Variants in CPQ observed in about 807,000 individuals in gnomAD.
CPQ encodes carboxypeptidase Q, also known as Ser-Met dipeptidase.
Under a neutral mutation model 45.7 loss-of-function variants are expected in CPQ, and 37 were observed. The observed-to-expected ratio is 0.81, with a 90% CI of 0.62 to 1.07. CPQ has a LOEUF of 1.07. Among genes scored for constraint, CPQ ranks in the 50% least tolerant of loss-of-function variants. CPQ has a pLI of 0.00. For missense variants in CPQ, 537 were observed against 572.9 expected, an observed-to-expected ratio of 0.94 and a Z score of 0.64; for synonymous variants, 186 against 205.8, an observed-to-expected ratio of 0.90 and a Z score of 0.82.
intron 1 of CPQ, among the ~76,000 whole-genome samples, chr8:96,703,024 A>G (rs942904754): frequency 6.6e-6 from 1 of 152,206 alleles, no homozygotes; most frequent in Non-Finnish European, 1.5e-5. Flanking sequence ...AATGTTAATG[A>G]ATCAATAGAT....
intron 5 of CPQ, among the ~76,000 whole-genome samples, chr8:97,002,626 A>T (rs998438761): frequency 2.0e-5 from 3 of 152,036 alleles, no homozygotes; most frequent in Non-Finnish European, 4.4e-5. Context: ...GGTCCAAGAG[A>T]CTGTTAATAT....
At chr8:96,853,431 G>C (rs1303312348) in intron 3 of CPQ, among the ~76,000 whole-genome samples, 1 of 152,126 alleles carries the variant, frequency 6.6e-6, no homozygotes, top group African/African-American at 2.4e-5. Context: ...GTTTGCTTTT[G>C]TTTGCAGTCA....
intron 5 of CPQ, among the ~76,000 whole-genome samples, chr8:96,969,775 G>A (rs1238086726): frequency 6.6e-6 from 1 of 152,096 alleles, no homozygotes; most frequent in Non-Finnish European, 1.5e-5. Flanking sequence ...TGTGTAATAA[G>A]TATGTGTTAC....
At chr8:97,021,560 C>A (rs1054404661) in intron 5 of CPQ, among the ~76,000 whole-genome samples, 1 of 152,040 alleles carries the variant, frequency 6.6e-6, no homozygotes, top group Non-Finnish European at 1.5e-5. Flanking sequence ...TTCTATATAC[C>A]AATAGTGACC....
At chr8:96,668,871 C>CA (rs113480247) in intron 1 of CPQ, among the ~76,000 whole-genome samples, 4,224 of 129,440 alleles carry the variant, frequency 0.033, 208 homozygotes, top group African/African-American at 0.11. Flanking sequence ...ATGGTGCAGA[C>CA]AAAAAAAAAA....
At chr8:96,960,143 T>C (rs928025055) in intron 4 of CPQ, among the ~76,000 whole-genome samples, 1 of 152,142 alleles carries the variant, frequency 6.6e-6, no homozygotes, top group Non-Finnish European at 1.5e-5. Flanking sequence ...CTTAGTATAT[T>C]GGATGTATTA....
intron 3 of CPQ, among the ~76,000 whole-genome samples, chr8:96,837,347 G>C (rs1196570202): frequency 6.6e-6 from 1 of 152,166 alleles, no homozygotes; most frequent in Non-Finnish European, 1.5e-5. Context: ...AACAGGACTT[G>C]TTAAGGTCGC....
intron 2 of CPQ, among the ~76,000 whole-genome samples, chr8:96,797,467 A>G (rs938212398): frequency 6.6e-6 from 1 of 152,220 alleles, no homozygotes; most frequent in African/African-American, 2.4e-5. Context: ...AACACTACCA[A>G]TAGCATTGTG....
chr8:96,670,330 T>A (rs1320601399), intron 1 of CPQ, among the ~76,000 whole-genome samples: 2 of 151,156 alleles, frequency 1.3e-5, no homozygotes, highest in Admixed American at 1.3e-4. Context: ...TTTTTTTTTT[T>A]TTTTTTTGGC....
intron 1 of CPQ, among the ~76,000 whole-genome samples, chr8:96,690,573 G>C (rs1809292486): frequency 6.6e-6 from 1 of 152,132 alleles, no homozygotes; most frequent in Admixed American, 6.5e-5. Context: ...GGGATTGTTA[G>C]TTTTTCTGTT....
At chr8:96,777,267 A>G (rs1438598907) in intron 1 of CPQ, among the ~76,000 whole-genome samples, 1 of 152,162 alleles carries the variant, frequency 6.6e-6, no homozygotes, top group African/African-American at 2.4e-5. Flanking sequence ...GGTGGAAGGT[A>G]CAGCAGCAAT....
intron 3 of CPQ, among the ~76,000 whole-genome samples, chr8:96,857,645 G>T (rs1455653078): frequency 3.3e-5 from 5 of 152,158 alleles, no homozygotes; most frequent in African/African-American, 9.7e-5. Flanking sequence ...TTAGTTGTCA[G>T]GTAGTCAATA....
chr8:96,837,980 C>T lies in CPQ; in HGVS notation c.641+2800C>T, dbSNP rs550265695. ...TCAGCAATCACTAACACTTTTCCCA[C>T]GCACCACGTTTCCTCAAAGTGTTGT... On this transcript the variant is annotated intron_variant, in intron 3 of 7. Coordinates refer to ENST00000220763, the MANE Select transcript of CPQ (RefSeq NM_016134.4). Among the ~76,000 whole-genome samples the T allele has an allele frequency of 1.4e-4, 21 of 152,264 alleles. No homozygotes were observed. The South Asian group carries it at 3.5e-3, about 26-fold the overall frequency.
At chr8:96,983,455 A>G (rs1228161232) in intron 5 of CPQ, among the ~76,000 whole-genome samples, 1 of 152,110 alleles carries the variant, frequency 6.6e-6, no homozygotes, top group South Asian at 2.1e-4. Flanking sequence ...ATAGAATACC[A>G]ACTTTTTGTT....
intron 4 of CPQ, among the ~76,000 whole-genome samples, chr8:96,955,120 G>T (rs1308581446): frequency 6.6e-6 from 1 of 152,046 alleles, no homozygotes; most frequent in Non-Finnish European, 1.5e-5. Context: ...CTCAGTAATG[G>T]GATGGCTGGG....
At chr8:96,811,765 C>T (rs1031742606) in intron 2 of CPQ, among the ~76,000 whole-genome samples, 1 of 152,066 alleles carries the variant, frequency 6.6e-6, no homozygotes, top group Non-Finnish European at 1.5e-5. Flanking sequence ...GGGCCAATAA[C>T]TTCTTGCAAC....
chr8:96,663,351 A>G (rs139503282), intron 1 of CPQ, among the ~76,000 whole-genome samples: 1 of 152,250 alleles, frequency 6.6e-6, no homozygotes, highest in East Asian at 1.9e-4. Flanking sequence ...ATGTCCAATT[A>G]AACACTTGTC....
intron 6 of CPQ, among the ~76,000 whole-genome samples, chr8:97,058,752 T>C (rs1466888110): frequency 6.6e-6 from 1 of 152,162 alleles, no homozygotes. Flanking sequence ...GACCAATACA[T>C]AGCATTAAAG....
intron 4 of CPQ, among the ~76,000 whole-genome samples, chr8:96,953,580 G>A (rs1455908183): frequency 6.6e-6 from 1 of 152,060 alleles, no homozygotes; most frequent in East Asian, 1.9e-4. Context: ...TCTGACCACT[G>A]TCTCTTTTCC....
Sources: allele counts gnomAD v4.1 joint callset (sites outside exome capture counted in the v4.1 genomes callset), GRCh38; gene constraint gnomAD v4.1.1; transcripts MANE v1.5; gene names NCBI Gene and HGNC (gene_info 2026-07-23, HGNC 2026-07-21).